The following USP4 variants were observed in gnomAD, a reference collection of about 807,000 sequenced individuals.
The protein encoded by USP4 is ubiquitin carboxyl-terminal hydrolase 4.
USP4 carries 72 observed loss-of-function variants against 118.2 expected under a neutral mutation model. That is an observed-to-expected ratio of 0.61 (90% CI 0.50 to 0.74). The LOEUF (loss-of-function observed/expected upper bound fraction) is 0.74. USP4 is among the 30% of genes least tolerant of loss of function. The pLI is 0.00. For missense variants in USP4, 1,037 were observed against 1,185.7 expected (o/e 0.87, Z 1.84); for synonymous variants, 415 against 440.4 (o/e 0.94, Z 0.72).
chr3:49,330,547 G>A (rs2047605856), intron 2 of USP4, among the ~76,000 whole-genome samples: 2 of 151,586 alleles, frequency 1.3e-5, no homozygotes, highest in South Asian at 4.2e-4. Context: ...TAGCCAGGAT[G>A]GTCTCAATCT....
chr3:49,301,262 T>C (rs1262476940), intron 10 of USP4, among the ~76,000 whole-genome samples: 1 of 152,042 alleles, frequency 6.6e-6, no homozygotes, highest in Non-Finnish European at 1.5e-5. Context: ...CTTAATAAGG[T>C]TGGCAACATA....
intron 18 of USP4, 144 bp downstream of exon 18, chr3:49,284,322 C>T (rs1455796666): frequency 3.9e-6 from 4 of 1,038,388 alleles, no homozygotes; most frequent in Non-Finnish European, 2.9e-6. Flanking sequence ...GAAACCTCAA[C>T]TCACAGAGGA....
chr3:49,296,371 C>T (rs999744940), intron 13 of USP4, among the ~76,000 whole-genome samples: 3 of 151,724 alleles, frequency 2.0e-5, no homozygotes, highest in Admixed American at 6.6e-5. Flanking sequence ...AGATGCTGGC[C>T]GAGCACAGTG....
chr3:49,327,573 CACCACTATTCA>C, intron 3 of USP4, 102 bp downstream of exon 3: 1 of 1,149,200 alleles, frequency 8.7e-7, no homozygotes, highest in African/African-American at 1.6e-5. Context: ...AGGCCTCAAG[CACCACTATTCA>C]ACCACTGAGG....
Position 49,278,430 on chromosome 3 carries a change from A to G in USP4, c.2755T>C (p.Phe919Leu). The change falls in exon 22 of 22, where the codon TTT (phenylalanine) becomes CTT (leucine). Residue 919 changes from phenylalanine (F) to leucine (L), a missense_variant. By Grantham distance (22) the Phe-to-Leu change is conservative (BLOSUM62 0). Coordinates refer to ENST00000265560, the MANE Select transcript of USP4 (RefSeq NM_003363.4). ...QIVTKAAYVLFYQRRDDEFYK... is the reference protein window; with the variant it reads ...QIVTKAAYVLLYQRRDDEFYK... Reference sequence around the variant, plus strand: ...AATTCATCATCTCGACGTTGGTAAAATAGCACATAAGCTGCTTTAGTCTGA... The same window carrying G: ...AATTCATCATCTCGACGTTGGTAAAGTAGCACATAAGCTGCTTTAGTCTGA... 1 of 1,614,146 alleles carries G rather than the reference A, an allele frequency of 6.2e-7. No individual in the cohort carries two copies. The highest frequency in any genetic ancestry group is 1.1e-5 in the South Asian group (1 of 91,074).
At chr3:49,286,373 A>G (rs2047090977) in intron 15 of USP4, 48 bp from the exon 16 acceptor site, 5 of 1,569,790 alleles carry the variant, frequency 3.2e-6, no homozygotes, top group Non-Finnish European at 2.6e-6. Context: ...CTACCATTTC[A>G]ATGTTAAAAA....
In USP4 at chr3:49,294,400, C is replaced by T. The variant is rs1473417107; in HGVS notation, c.1883+7G>A. On this transcript the variant is annotated splice_region_variant and intron_variant, in intron 14 of 21. Transcript: ENST00000265560. ...GATAACAACCAAATCACATTCCTGCCACCAACCTGATACGATCACAAACAG... is the reference window on the plus strand; with the variant it reads ...GATAACAACCAAATCACATTCCTGCTACCAACCTGATACGATCACAAACAG... 6.2e-7 allele frequency: 1 copy of T among 1,608,116 alleles called. No homozygotes were observed. The highest frequency in any genetic ancestry group is 8.5e-7 in the Non-Finnish European group (1 of 1,176,300).
intron 6 of USP4, among the ~76,000 whole-genome samples, chr3:49,319,108 C>A (rs2047472404): frequency 6.7e-6 from 1 of 149,992 alleles, no homozygotes; most frequent in Non-Finnish European, 1.5e-5. Context: ...CGCCACTGCA[C>A]TCCTGCTTGG....
intron 16 of USP4, among the ~76,000 whole-genome samples, chr3:49,285,564 GA>G (rs574716427): frequency 5.4e-4 from 82 of 152,058 alleles, no homozygotes; most frequent in Non-Finnish European, 9.7e-4. Flanking sequence ...GAAGGGAGCT[GA>G]AAGACAGAGA....
chr3:49,291,614 A>C (rs1322816211), intron 15 of USP4, among the ~76,000 whole-genome samples: 12 of 151,714 alleles, frequency 7.9e-5, no homozygotes, highest in African/African-American at 2.7e-4. Flanking sequence ...AGAAAAGAAA[A>C]AATTTACAGC....
At chr3:49,338,662 C>CAAAAA (rs1184984948) in intron 1 of USP4, among the ~76,000 whole-genome samples, 23 of 52,416 alleles carry the variant, frequency 4.4e-4, no homozygotes, top group Admixed American at 6.6e-4. Flanking sequence ...AATTCCTTCT[C>CAAAAA]AAAAAAAAAA....
intron 6 of USP4, among the ~76,000 whole-genome samples, chr3:49,320,435 T>G (rs906577732): frequency 7.2e-6 from 1 of 138,368 alleles, no homozygotes; most frequent in Non-Finnish European, 1.5e-5. Flanking sequence ...AGAGTGAAAC[T>G]CCATCTCAAA....
intron 6 of USP4, 153 bp from the exon 7 acceptor site, chr3:49,311,807 T>C: frequency 7.4e-7 from 1 of 1,353,634 alleles, no homozygotes; most frequent in South Asian, 1.5e-5. Context: ...CAAGGTAAAC[T>C]TTATTTAAGT....
At chr3:49,298,520 T>C (rs2047231799) in intron 12 of USP4, 32 bp downstream of exon 12, 3 of 1,608,066 alleles carry the variant, frequency 1.9e-6, no homozygotes, top group Admixed American at 1.7e-5. Flanking sequence ...GTATCCCAAA[T>C]AGACCGAGTG....
chr3:49,317,603 G>T (rs532358064), intron 6 of USP4: 5 of 588,174 alleles, frequency 8.5e-6, no homozygotes, highest in Non-Finnish European at 1.2e-5. Context: ...GTGCAGTGGC[G>T]TGATATCGGC....
chr3:49,287,984 T>C (rs1039078108), intron 15 of USP4, among the ~76,000 whole-genome samples: 4 of 151,952 alleles, frequency 2.6e-5, no homozygotes, highest in African/African-American at 9.7e-5. Context: ...CTCCAAAAGG[T>C]GGTGTAAAAG....
At chr3:49,287,074 A>G (rs1281211402) in intron 15 of USP4, among the ~76,000 whole-genome samples, 1 of 151,786 alleles carries the variant, frequency 6.6e-6, no homozygotes, top group Non-Finnish European at 1.5e-5. Flanking sequence ...CTGGTCTCGA[A>G]CTCCTGACCT....
chr3:49,280,429 C>A (rs867591023), intron 20 of USP4, among the ~76,000 whole-genome samples: 37 of 151,884 alleles, frequency 2.4e-4, no homozygotes, highest in Middle Eastern at 3.4e-3. Flanking sequence ...GGCGTGGTGG[C>A]GGGCGCCTGT....
Position 49,297,886 on chromosome 3 carries a change from G to C in USP4, c.1675C>G (p.Arg559Gly). The C allele has an allele frequency of 6.2e-7, 1 of 1,613,938 alleles. No individual in the cohort carries two copies. The highest frequency in any genetic ancestry group is 8.5e-7 in the Non-Finnish European group (1 of 1,179,846). ...AGTACTCACACGAAAATGTCATCCC[G>C]AGGCATGATGTGGTTTAAACCTTCA... Reference protein sequence around the residue: ...MDEGLNHIMPRDDIFVYEVCS... With the variant: ...MDEGLNHIMPGDDIFVYEVCS... The change falls in exon 13 of 22, where the codon CGG (arginine) becomes GGG (glycine). Residue 559 changes from arginine (R) to glycine (G), a missense_variant. Physicochemically the swap from Arg to Gly is moderately radical, Grantham distance 125. Coordinates refer to ENST00000265560, the MANE Select transcript of USP4 (RefSeq NM_003363.4).
Sources: gnomAD v4.1 joint callset for allele counts (sites outside exome capture counted in the v4.1 genomes callset) on GRCh38, gnomAD v4.1.1 for gene constraint, MANE v1.5 for transcripts, NCBI Gene and HGNC (gene_info 2026-07-23, HGNC 2026-07-21) for gene names.